The following FKBP5 variants were observed in gnomAD, a reference collection of about 807,000 sequenced individuals.
FKBP5 encodes the protein FKBP prolyl isomerase 5.
Under a neutral mutation model 50.5 loss-of-function variants are expected in FKBP5, and 23 were observed. The observed-to-expected ratio is 0.46, with a 90% CI of 0.33 to 0.65. The LOEUF (loss-of-function observed/expected upper bound fraction) is 0.65, where lower values mean the gene tolerates loss of function less well. Ranked by LOEUF, FKBP5 falls within the 30% of genes least tolerant of loss-of-function variation. The pLI is 0.02. For missense variants in FKBP5, 411 were observed against 553.1 expected (o/e 0.74, Z 2.58); for synonymous variants, 176 against 190.6 (o/e 0.92, Z 0.63).
chr6:35,581,015 C>T, intron 8 of FKBP5: 1 of 983,044 alleles, frequency 1.0e-6, no homozygotes, highest in Non-Finnish European at 1.2e-6. Context: ...CTACTAAATT[C>T]TTATCATTTG....
chr6:35,578,346 C>T (rs1581778536), intron 9 of FKBP5, among the ~76,000 whole-genome samples: 1 of 152,112 alleles, frequency 6.6e-6, no homozygotes, highest in Non-Finnish European at 1.5e-5. Flanking sequence ...GTGTAAACCA[C>T]TGTGCCTGGC....
intron 1 of FKBP5, among the ~76,000 whole-genome samples, chr6:35,675,506 G>A (rs1214495846): frequency 6.6e-6 from 1 of 152,136 alleles, no homozygotes; most frequent in Non-Finnish European, 1.5e-5. Flanking sequence ...GGAGACAGAG[G>A]TTGCAGTGAG....
rs1177199907 is a variant in FKBP5, at chr6:35,577,094, A to G, written c.1166T>C (p.Leu389Pro). Residue 389 changes from leucine (L) to proline (P), a missense_variant, in exon 10 of 11, where the codon CTG (leucine) becomes CCG (proline). Coordinates refer to ENST00000357266, the MANE Select transcript of FKBP5 (RefSeq NM_004117.4). ...CTTTTTCTGGCACATGGAGATCTGC[A>G]GTCTTGCAGCCTTATTCTGGGGGTT... The part of the protein sequence containing the change: ...EVNPQNKAAR[L>P]QISMCQKKAK... 2.5e-6 allele frequency: 4 copies of G among 1,614,056 alleles called. No individual in the cohort carries two copies. The highest frequency in any genetic ancestry group is 2.5e-6 in the Non-Finnish European group (3 of 1,180,026).
At chr6:35,701,433 C>T (rs1351367324) in intron 2 of FKBP5, among the ~76,000 whole-genome samples, 3 of 151,280 alleles carry the variant, frequency 2.0e-5, no homozygotes, top group East Asian at 1.9e-4. Context: ...TTAGTAGAGA[C>T]GGGGTTTCAC....
intron 1 of FKBP5, among the ~76,000 whole-genome samples, chr6:35,673,289 C>A (rs1765438906): frequency 6.6e-6 from 1 of 152,194 alleles, no homozygotes; most frequent in African/African-American, 2.4e-5. Flanking sequence ...GTGGCTCCTG[C>A]CTGTAATCCC....
At chr6:35,691,470 G>A (rs1365421553), upstream of FKBP5, among the ~76,000 whole-genome samples, 1 of 152,154 alleles carries the variant, frequency 6.6e-6, no homozygotes, top group East Asian at 1.9e-4. Context: ...CACATGTCTG[G>A]GACCAGGCTC....
At chr6:35,723,263 T>G (rs1340948167) in intron 1 of FKBP5, among the ~76,000 whole-genome samples, 1 of 151,656 alleles carries the variant, frequency 6.6e-6, no homozygotes, top group Non-Finnish European at 1.5e-5. Flanking sequence ...AAAATAAAAA[T>G]TAAAATAAAA....
Position 35,591,345 on chromosome 6 carries a change from C to T in FKBP5, c.666-125G>A, listed in dbSNP as rs1043295405. Reference sequence around the variant, plus strand: ...CTACATGTGTCAGAGACCCTGAAGACAAACCAGATGTTGACCAGAAGATAC... The same window carrying T: ...CTACATGTGTCAGAGACCCTGAAGATAAACCAGATGTTGACCAGAAGATAC... On this transcript the variant is annotated intron_variant, in intron 6 of 10. Coordinates refer to ENST00000357266, the MANE Select transcript of FKBP5 (RefSeq NM_004117.4). 1.3e-5 allele frequency: 8 copies of T among 614,800 alleles called. No homozygotes were observed. In the East Asian group the frequency reaches 2.2e-4, roughly 17 times the overall value. The allele number at this position is 614,800 out of a possible 1,614,324, so 38.1% of individuals were successfully genotyped here.
chr6:35,654,956 G>A (rs1039093275), intron 1 of FKBP5, among the ~76,000 whole-genome samples: 5 of 152,148 alleles, frequency 3.3e-5, no homozygotes, highest in African/African-American at 1.2e-4. Context: ...GGAGTTTGAG[G>A]TGGGAGGGTC....
intron 1 of FKBP5, among the ~76,000 whole-genome samples, chr6:35,649,708 A>T (rs1764735563): frequency 6.6e-6 from 1 of 152,196 alleles, no homozygotes; most frequent in Non-Finnish European, 1.5e-5. Context: ...AGGGGAGTAG[A>T]GAGCAAAGGC....
chr6:35,709,401 G>A lies in FKBP5; in HGVS notation c.-20+10927C>T, dbSNP rs188576588. ...AATGCAAAAGCAAGGTGCAAGCAAT[G>A]CATACAGTATGATACTATTTTTGGA... is the stretch of plus-strand genomic sequence containing the variant. On this transcript the variant is annotated intron_variant, in intron 2 of 11. Transcript: ENST00000536438. 9.1e-4 allele frequency among the ~76,000 whole-genome samples: 139 copies of A among 152,288 alleles called. 1 individual carries two copies. The highest frequency in any genetic ancestry group is 1.1e-3 in the Non-Finnish European group (73 of 68,030).
chr6:35,651,902 C>T lies in FKBP5; in HGVS notation c.-19-9059G>A, dbSNP rs1764811122. On this transcript the variant is annotated intron_variant, in intron 1 of 10. Transcript: ENST00000357266. ...ATAAATCCTCTTTTGCAACCCAGAA[C>T]TCATTGTTCAGTATGAGTTTTGATA... is the stretch of plus-strand genomic sequence containing the variant. 11 of 1,156,602 alleles carry T rather than the reference C, an allele frequency of 9.5e-6. No individual in the cohort carries two copies. The South Asian group carries it at 1.8e-4, about 19-fold the overall frequency. 71.6% of individuals were successfully genotyped at this position (1,156,602 alleles called of 1,614,324 possible).
chr6:35,662,291 T>C (rs369217533), intron 1 of FKBP5, among the ~76,000 whole-genome samples: 1 of 124,618 alleles, frequency 8.0e-6, no homozygotes, highest in African/African-American at 2.9e-5. Flanking sequence ...TTTTTTTTTT[T>C]TGAGACAGAG....
At chr6:35,585,076 G>C (rs1162605567) in intron 8 of FKBP5, 3 of 985,164 alleles carry the variant, frequency 3.0e-6, no homozygotes, top group Non-Finnish European at 3.6e-6. Flanking sequence ...GCACCGATTA[G>C]AGCCTCTGAA....
At chr6:35,620,563 T>TAAA (rs564725729) in intron 3 of FKBP5, among the ~76,000 whole-genome samples, 1 of 122,640 alleles carries the variant, frequency 8.2e-6, no homozygotes. Context: ...ACCTCATCTC[T>TAAA]AAAAAAAAAA....
chr6:35,631,738 C>T (rs1245753652), intron 3 of FKBP5, among the ~76,000 whole-genome samples: 7 of 151,888 alleles, frequency 4.6e-5, no homozygotes, highest in Non-Finnish European at 1.0e-4. Flanking sequence ...GGGTGGATCA[C>T]GAGGTCAGGA....
intron 9 of FKBP5, among the ~76,000 whole-genome samples, chr6:35,577,676 T>C (rs1017230288): frequency 1.3e-5 from 2 of 152,262 alleles, no homozygotes; most frequent in East Asian, 1.9e-4. Context: ...ATAAAAACAT[T>C]TGAAAATGAC....
rs80255972 is a variant in FKBP5 at position 35,682,187 on chromosome 6, T to C, written c.-20+6617A>G. On this transcript the variant is annotated intron_variant, in intron 1 of 10. Coordinates refer to ENST00000357266, the MANE Select transcript of FKBP5 (RefSeq NM_004117.4). ...TATGCTAGCAACAAAACCCAAAATA[T>C]GTGTTCAGATTACAAGACTGTTTTT... Among the ~76,000 whole-genome samples the C allele has an allele frequency of 7.0e-3, 1,061 of 152,310 alleles. 11 individuals are homozygous for C. Among genetic ancestry groups the C allele is most frequent in the African/African-American group, 0.022 (915 of 41,578 alleles).
rs1347124436 is a variant in FKBP5, at chr6:35,599,749, A to C, written c.509-2345T>G. Among the ~76,000 whole-genome samples, 3 of 152,202 alleles carry C rather than the reference A, an allele frequency of 2.0e-5. 1 individual carries two copies. The South Asian group carries it at 6.2e-4, about 31-fold the overall frequency. On this transcript the variant is annotated intron_variant, in intron 5 of 10. Transcript: ENST00000357266. ...TTTTAGTTTATGTCCCACACTCATA[A>C]ATGCTGATAATTCCTTCTGTTAGAC...
Sources: gnomAD v4.1 joint callset for allele counts (sites outside exome capture counted in the v4.1 genomes callset) on GRCh38, gnomAD v4.1.1 for gene constraint, MANE v1.5 for transcripts, NCBI Gene and HGNC (gene_info 2026-07-23, HGNC 2026-07-21) for gene names.